The following DNER variants were observed in gnomAD, a reference collection of about 807,000 sequenced individuals.
The protein encoded by DNER is delta/notch like EGF repeat containing.
DNER carries 33 observed loss-of-function variants against 78.2 expected under a neutral mutation model. That is an observed-to-expected ratio of 0.42 (90% CI 0.32 to 0.56). The LOEUF (loss-of-function observed/expected upper bound fraction) is 0.56. Among genes scored for constraint, DNER ranks in the 20% least tolerant of loss-of-function variants. The pLI is 0.11. For missense variants in DNER, 918 were observed against 975.3 expected (o/e 0.94, Z 0.78); for synonymous variants, 417 against 384.8 (o/e 1.08, Z -0.98).
chr2:229,618,438 G>T (rs1698202340), intron 1 of DNER, among the ~76,000 whole-genome samples: 1 of 152,152 alleles, frequency 6.6e-6, no homozygotes, highest in Admixed American at 6.5e-5. Context: ...ATACTATGTG[G>T]CTCCAGAAGG....
At chr2:229,410,327 A>G (rs1162851188) in intron 9 of DNER, among the ~76,000 whole-genome samples, 1 of 152,182 alleles carries the variant, frequency 6.6e-6, no homozygotes, top group Admixed American at 6.5e-5. Context: ...AAATCTCTGA[A>G]GTCCTGTAGA....
chr2:229,517,460 G>A (rs935322880), intron 5 of DNER, among the ~76,000 whole-genome samples: 7 of 152,352 alleles, frequency 4.6e-5, no homozygotes, highest in African/African-American at 1.7e-4. Context: ...AACAGGGCCA[G>A]GACTTGCTGG....
chr2:229,514,558 T>C (rs942659283), intron 5 of DNER, among the ~76,000 whole-genome samples: 2 of 152,220 alleles, frequency 1.3e-5, no homozygotes, highest in Admixed American at 6.5e-5. Context: ...TATCCAGATT[T>C]CCTAGTACTG....
chr2:229,544,112 T>C (rs1696572105), intron 5 of DNER, among the ~76,000 whole-genome samples: 1 of 152,208 alleles, frequency 6.6e-6, no homozygotes, highest in Non-Finnish European at 1.5e-5. Flanking sequence ...CTCCTCTTCT[T>C]TTCTCCAGTT....
At chr2:229,594,945 T>G (rs1327672160) in intron 1 of DNER, among the ~76,000 whole-genome samples, 1 of 124,658 alleles carries the variant, frequency 8.0e-6, no homozygotes, top group African/African-American at 3.1e-5. Context: ...CGGTATAAAA[T>G]GCTGTTTAAA....
At chr2:229,476,625 T>C (rs1695042507) in intron 7 of DNER, among the ~76,000 whole-genome samples, 1 of 152,106 alleles carries the variant, frequency 6.6e-6, no homozygotes, top group South Asian at 2.1e-4. Context: ...CAAAATAATT[T>C]TGTGAACACC....
chr2:229,557,095 C>G (rs1696867463), intron 4 of DNER, among the ~76,000 whole-genome samples: 2 of 152,164 alleles, frequency 1.3e-5, no homozygotes, highest in Admixed American at 1.3e-4. Flanking sequence ...AGAGCAGGAA[C>G]TGTGCCCCTT....
chr2:229,532,267 C>A (rs1463138244), intron 5 of DNER, among the ~76,000 whole-genome samples: 1 of 152,176 alleles, frequency 6.6e-6, no homozygotes, highest in African/African-American at 2.4e-5. Context: ...TTCCTTACCT[C>A]TGTCAATTCC....
intron 5 of DNER, among the ~76,000 whole-genome samples, chr2:229,537,226 C>A (rs1696420360): frequency 6.6e-6 from 1 of 152,084 alleles, no homozygotes; most frequent in Admixed American, 6.5e-5. Context: ...CAACCCCCGA[C>A]CCCGCCAAAA....
At chr2:229,451,206 C>A (rs1694449527) in intron 7 of DNER, among the ~76,000 whole-genome samples, 1 of 152,198 alleles carries the variant, frequency 6.6e-6, no homozygotes, top group African/African-American at 2.4e-5. Context: ...TGCCTATAAT[C>A]CTAGCACTTT....
rs528599662 is a variant in DNER, at chr2:229,375,179, T to C, written c.1856-8060A>G. Reference sequence around the variant, plus strand: ...CAGGTTCCATCAGAGATGGGAAATTTCATTTTCAGCAGATGCCCAGAGACT... The same window carrying C: ...CAGGTTCCATCAGAGATGGGAAATTCCATTTTCAGCAGATGCCCAGAGACT... On this transcript the variant is annotated intron_variant, in intron 11 of 12. Coordinates refer to ENST00000341772, the MANE Select transcript of DNER (RefSeq NM_139072.4). Among the ~76,000 whole-genome samples, 21 of 152,364 alleles carry C rather than the reference T, an allele frequency of 1.4e-4. No individual in the cohort carries two copies. In the South Asian group the frequency reaches 4.3e-3, roughly 32 times the overall value.
At chr2:229,529,966 C>T (rs1022434989) in intron 5 of DNER, among the ~76,000 whole-genome samples, 1 of 151,802 alleles carries the variant, frequency 6.6e-6, no homozygotes, top group African/African-American at 2.4e-5. Flanking sequence ...CACATCACTA[C>T]ATGCCAGCAT....
intron 1 of DNER, among the ~76,000 whole-genome samples, chr2:229,626,724 C>T (rs1285326835): frequency 6.6e-6 from 1 of 152,162 alleles, no homozygotes; most frequent in Non-Finnish European, 1.5e-5. Flanking sequence ...ATTGAGTCAT[C>T]CTAAAGTCTG....
intron 6 of DNER, among the ~76,000 whole-genome samples, chr2:229,509,053 T>G (rs929983411): frequency 6.6e-6 from 1 of 152,162 alleles, no homozygotes; most frequent in Non-Finnish European, 1.5e-5. Flanking sequence ...ACAACTTCTG[T>G]TTTTGGTGGT....
At chr2:229,684,513 T>G (rs1699451959) in intron 1 of DNER, among the ~76,000 whole-genome samples, 1 of 152,104 alleles carries the variant, frequency 6.6e-6, no homozygotes, top group African/African-American at 2.4e-5. Context: ...ATGTCTCTGC[T>G]GAGCTCCAGA....
chr2:229,401,086 A>G (rs944361667), intron 10 of DNER, among the ~76,000 whole-genome samples: 5 of 152,118 alleles, frequency 3.3e-5, no homozygotes, highest in Admixed American at 6.5e-5. Flanking sequence ...GCTAAACATC[A>G]TTTATCATTA....
At chr2:229,626,722 A>G (rs1179159566) in intron 1 of DNER, among the ~76,000 whole-genome samples, 1 of 152,258 alleles carries the variant, frequency 6.6e-6, no homozygotes, top group Non-Finnish European at 1.5e-5. Context: ...TAATTGAGTC[A>G]TCCTAAAGTC....
intron 1 of DNER, among the ~76,000 whole-genome samples, chr2:229,608,021 CAAAA>C (rs57795249): frequency 4.6e-5 from 4 of 86,272 alleles, no homozygotes; most frequent in Non-Finnish European, 6.5e-5. Context: ...AACTCTGTCT[CAAAA>C]AAAAAAAAAA....
intron 11 of DNER, among the ~76,000 whole-genome samples, chr2:229,368,068 GA>G (rs1692391340): frequency 6.6e-6 from 1 of 151,908 alleles, no homozygotes; most frequent in African/African-American, 2.4e-5. Flanking sequence ...TTTTTAAAAA[GA>G]AATAAAATAT....
Sources: gnomAD v4.1 joint callset for allele counts (sites outside exome capture counted in the v4.1 genomes callset) on GRCh38, gnomAD v4.1.1 for gene constraint, MANE v1.5 for transcripts, NCBI Gene and HGNC (gene_info 2026-07-23, HGNC 2026-07-21) for gene names.